Variants in SNIP1 observed in about 807,000 individuals in gnomAD.
SNIP1 encodes the protein smad nuclear-interacting protein 1.
In SNIP1, 23 loss-of-function variants were observed where a neutral mutation model predicts 37.4. The observed-to-expected ratio is 0.61, with a 90% CI of 0.44 to 0.87. SNIP1 has a LOEUF of 0.87. SNIP1 is among the 40% of genes least tolerant of loss of function. SNIP1 has a pLI of 0.00. For synonymous variants in SNIP1, 174 were observed against 200.0 expected, an observed-to-expected ratio of 0.87 and a Z score of 1.10; for missense variants, 459 against 540.4, an observed-to-expected ratio of 0.85 and a Z score of 1.49.
chr1:37,554,146 C>T lies in SNIP1; in HGVS notation c.84G>A (p.Val28=), dbSNP rs2273013. Reference sequence around the variant, plus strand: ...CTGGGCTGAGACGCTCCTGCTTCACCACCACCCCCGCCGGCAGCACCACGT... The same window carrying T: ...CTGGGCTGAGACGCTCCTGCTTCACTACCACCCCCGCCGGCAGCACCACGT... ...DGDVVLPAGV[V]VKQERLSPEV... The change falls in exon 1 of 4, where the codon GTG becomes GTA. Residue 28 remains valine (V), a synonymous_variant. Transcript: ENST00000296215. 0.19 allele frequency: 313,403 copies of T among 1,612,118 alleles called. 33,467 individuals carry two copies. Among genetic ancestry groups the T allele is most frequent in the East Asian group, 0.43 (19,180 of 44,814 alleles).
intron 2 of SNIP1, among the ~76,000 whole-genome samples, chr1:37,550,776 C>T (rs144984123): frequency 6.6e-6 from 1 of 151,862 alleles, no homozygotes; most frequent in East Asian, 2.0e-4. Flanking sequence ...TGAGAAGATA[C>T]ATATAGATGG....
At chr1:37,549,318 G>A (rs958074123) in intron 2 of SNIP1, among the ~76,000 whole-genome samples, 2 of 152,142 alleles carry the variant, frequency 1.3e-5, no homozygotes, top group African/African-American at 4.8e-5. Context: ...TAAAAGGGGA[G>A]ATACACAATG....
At chr1:37,542,007 T>G (rs192486547) in intron 2 of SNIP1, among the ~76,000 whole-genome samples, 6 of 136,136 alleles carry the variant, frequency 4.4e-5, no homozygotes, top group African/African-American at 1.3e-4. Flanking sequence ...ATTTGAAAAG[T>G]TTTTTTTTGT....
At chr1:37,543,735 G>A (rs553261560) in intron 2 of SNIP1, among the ~76,000 whole-genome samples, 4 of 150,768 alleles carry the variant, frequency 2.7e-5, no homozygotes, top group Admixed American at 6.6e-5. Flanking sequence ...TCTCCAAAGG[G>A]GGGTAAAAAA....
intron 2 of SNIP1, among the ~76,000 whole-genome samples, chr1:37,550,813 A>C (rs1444592174): frequency 1.3e-5 from 2 of 151,812 alleles, no homozygotes; most frequent in African/African-American, 4.8e-5. Context: ...AAGACGTCCA[A>C]GGCCAGGTGC....
intron 2 of SNIP1, among the ~76,000 whole-genome samples, chr1:37,541,973 C>A (rs371567151): frequency 5.3e-5 from 8 of 152,132 alleles, no homozygotes; most frequent in Non-Finnish European, 1.0e-4. Context: ...TTCTTACTAT[C>A]GATCTTAGCA....
At chr1:37,551,491 A>G (rs1293421677) in intron 2 of SNIP1, among the ~76,000 whole-genome samples, 1 of 152,204 alleles carries the variant, frequency 6.6e-6, no homozygotes, top group Admixed American at 6.5e-5. Flanking sequence ...AAACCCAAGT[A>G]CCTCAGAATG....
chr1:37,547,629 G>A (rs1033292322), intron 2 of SNIP1, among the ~76,000 whole-genome samples: 2 of 151,894 alleles, frequency 1.3e-5, no homozygotes, highest in African/African-American at 4.8e-5. Flanking sequence ...AGCTACTGGG[G>A]AGGTTGAGGC....
At chr1:37,552,937 C>T (rs1299906744) in intron 1 of SNIP1, among the ~76,000 whole-genome samples, 190 bp from the exon 2 acceptor site, 1 of 152,194 alleles carries the variant, frequency 6.6e-6, no homozygotes, top group Non-Finnish European at 1.5e-5. Context: ...CTCACATAGA[C>T]AACTGTCTAC....
rs779254863 is a variant in SNIP1 at position 37,537,055 on chromosome 1, C to G, written c.*693G>C. The G allele has an allele frequency of 2.6e-5, 4 of 152,316 alleles. No individual in the cohort carries two copies. Among genetic ancestry groups the G allele is most frequent in the Non-Finnish European group, 5.9e-5 (4 of 68,048 alleles). The allele number at this position is 152,316 out of a possible 1,614,324, so 9.4% of individuals were successfully genotyped here. The stretch of plus-strand genomic sequence containing the variant: ...CAAAGAACAGATCCACAGCCAATTT[C>G]AGTCACTTGTGATGCTGAATCAGCA... On this transcript the variant is annotated 3_prime_UTR_variant, in exon 4 of 4. Transcript: ENST00000296215.
chr1:37,547,335 G>C (rs1475685970), intron 2 of SNIP1, among the ~76,000 whole-genome samples: 1 of 152,132 alleles, frequency 6.6e-6, no homozygotes, highest in African/African-American at 2.4e-5. Context: ...TGGTTGAGGA[G>C]GTGGTGCAAT....
chr1:37,545,286 T>C, intron 2 of SNIP1: 1 of 620,332 alleles, frequency 1.6e-6, no homozygotes, highest in South Asian at 1.4e-5. Context: ...GGGGAGACAG[T>C]GATAATGAAA....
At chr1:37,544,661 GC>G in intron 2 of SNIP1, 2 of 519,858 alleles carry the variant, frequency 3.8e-6, no homozygotes, top group South Asian at 3.8e-5. Flanking sequence ...CCCATAGCTA[GC>G]CCTCTGTTAC....
intron 2 of SNIP1, chr1:37,552,389 A>G (rs979905238): frequency 6.7e-6 from 3 of 447,774 alleles, no homozygotes; most frequent in Admixed American, 7.4e-5. Context: ...CAGGAAGAGT[A>G]TATCTCCCTG....
chr1:37,547,432 T>G (rs979023968), intron 2 of SNIP1, among the ~76,000 whole-genome samples: 1 of 152,226 alleles, frequency 6.6e-6, no homozygotes, highest in Non-Finnish European at 1.5e-5. Context: ...TCAATACATT[T>G]GTTTCGAAAA....
In SNIP1 at chr1:37,546,160, G is replaced by A. The variant is rs899306150; in HGVS notation, c.328-5405C>T. ...TGGGACTAAGACCCCCCCCCCCCCC[G>A]CTCCCTGCCATACACAGGGCTCAAG... On this transcript the variant is annotated intron_variant, in intron 2 of 3. Transcript: ENST00000296215. Among the ~76,000 whole-genome samples, 237 of 59,452 alleles carry A rather than the reference G, an allele frequency of 4.0e-3. 2 individuals carry two copies. The highest frequency in any genetic ancestry group is 0.016 in the African/African-American group (212 of 13,640). 39.0% of individuals were successfully genotyped at this position (59,452 alleles called of 152,430 possible).
chr1:37,543,739 TA>T (rs368068801), intron 2 of SNIP1, among the ~76,000 whole-genome samples: 4,926 of 114,538 alleles, frequency 0.043, 94 homozygotes, highest in Non-Finnish European at 0.059. Context: ...CAAAGGGGGG[TA>T]AAAAAAAAAA....
intron 2 of SNIP1, among the ~76,000 whole-genome samples, chr1:37,551,038 T>C (rs1248548669): frequency 6.7e-6 from 1 of 149,626 alleles, no homozygotes; most frequent in African/African-American, 2.5e-5. Flanking sequence ...GAGATTGCAG[T>C]GAGCCAAGAT....
chr1:37,553,439 G>C (rs1328067700), intron 1 of SNIP1, among the ~76,000 whole-genome samples: 1 of 152,172 alleles, frequency 6.6e-6, no homozygotes, highest in East Asian at 1.9e-4. Flanking sequence ...CTCAGGGTTA[G>C]AGCATAGCCA....
Sources: gnomAD v4.1 joint callset for allele counts (sites outside exome capture counted in the v4.1 genomes callset) on GRCh38, gnomAD v4.1.1 for gene constraint, MANE v1.5 for transcripts, NCBI Gene and HGNC (gene_info 2026-07-23, HGNC 2026-07-21) for gene names.